Variants in FNDC3A observed in about 807,000 individuals in gnomAD.
The protein encoded by FNDC3A is fibronectin type-III domain-containing protein 3A.
Under a neutral mutation model 148.9 loss-of-function variants are expected in FNDC3A, and 32 were observed. That is an observed-to-expected ratio of 0.21 (90% confidence interval 0.16 to 0.29). The LOEUF (loss-of-function observed/expected upper bound fraction) is 0.29. Among genes scored for constraint, FNDC3A ranks in the 10% least tolerant of loss-of-function variants. FNDC3A has a pLI of 1.00. For missense variants in FNDC3A, 1,191 were observed against 1,452.8 expected, an observed-to-expected ratio of 0.82 and a Z score of 2.93; for synonymous variants, 472 against 473.6, an observed-to-expected ratio of 1.00 and a Z score of 0.04.
In FNDC3A at chr13:49,072,382, T is replaced by TA. The variant is rs142261810; in HGVS notation, c.100-2898dup. ...TAGAAAAAAGTGAGAGTTAAAAAGTTAAAAAAAAAGAAAATGAGTTGGCTC... is the reference window on the plus strand; with the variant it reads ...TAGAAAAAAGTGAGAGTTAAAAAGTTAAAAAAAAAAGAAAATGAGTTGGCTC... On this transcript the variant is annotated intron_variant, in intron 2 of 25. Coordinates refer to ENST00000492622, the MANE Select transcript of FNDC3A (RefSeq NM_001079673.2). Among the ~76,000 whole-genome samples the TA allele has an allele frequency of 1.2e-3, 180 of 151,218 alleles. No homozygotes were observed. The South Asian group carries it at 0.013, about 11-fold the overall frequency.
At chr13:49,031,112 T>C (rs957729346) in intron 2 of FNDC3A, among the ~76,000 whole-genome samples, 1 of 152,108 alleles carries the variant, frequency 6.6e-6, no homozygotes, top group Non-Finnish European at 1.5e-5. Flanking sequence ...GCAGACTGGG[T>C]GCAATGGCTC....
intron 5 of FNDC3A, among the ~76,000 whole-genome samples, chr13:49,133,475 C>T (rs1882154431): frequency 6.6e-6 from 1 of 152,038 alleles, no homozygotes; most frequent in African/African-American, 2.4e-5. Context: ...AATTAGCTAC[C>T]CAGTGGTAAA....
intron 5 of FNDC3A, among the ~76,000 whole-genome samples, chr13:49,135,304 G>A (rs753943882): frequency 1.3e-5 from 2 of 152,070 alleles, no homozygotes; most frequent in Non-Finnish European, 2.9e-5. Context: ...TTCCTCCCTT[G>A]TTGTTTTTTC....
chr13:49,091,135 AC>A (rs1193362858), intron 3 of FNDC3A, among the ~76,000 whole-genome samples: 2 of 152,136 alleles, frequency 1.3e-5, no homozygotes, highest in African/African-American at 4.8e-5. Context: ...CAGAACAATA[AC>A]AAAAAACAGC....
chr13:49,192,857 C>A (rs1012801001), intron 19 of FNDC3A, among the ~76,000 whole-genome samples: 1 of 152,150 alleles, frequency 6.6e-6, no homozygotes, highest in African/African-American at 2.4e-5. Flanking sequence ...AAAATTTATG[C>A]CTACCAGAGA....
chr13:49,161,181 C>T (rs1207591409), intron 8 of FNDC3A, among the ~76,000 whole-genome samples: 1 of 152,082 alleles, frequency 6.6e-6, no homozygotes, highest in East Asian at 1.9e-4. Context: ...TCCTTGTTAA[C>T]TTTCTGTCTT....
intron 2 of FNDC3A, among the ~76,000 whole-genome samples, chr13:49,043,045 T>C (rs1383593854): frequency 6.6e-6 from 1 of 152,016 alleles, no homozygotes; most frequent in Non-Finnish European, 1.5e-5. Context: ...AGCCTTGACC[T>C]CCTGGGCTCA....
intron 3 of FNDC3A, among the ~76,000 whole-genome samples, chr13:49,091,757 G>A (rs1414077981): frequency 9.9e-5 from 15 of 152,182 alleles, no homozygotes; most frequent in Admixed American, 6.5e-4. Context: ...AGGGTGGCAG[G>A]AGTGGAGACT....
rs760474446 is a variant in FNDC3A at position 49,191,258 on chromosome 13, A to C, written c.2100A>C (p.Glu700Asp). 1.9e-6 allele frequency: 3 copies of C among 1,612,906 alleles called. No individual in the cohort carries two copies. In the East Asian group the frequency reaches 6.7e-5, roughly 36 times the overall value. ...CACCCATTTCCTGTTACAGTGTGGAAATGTCTCCTATAGAAAAAGATGAAC... is the reference window on the plus strand; with the variant it reads ...CACCCATTTCCTGTTACAGTGTGGACATGTCTCCTATAGAAAAAGATGAAC... Reference protein sequence around the residue: ...GGSPISCYSVEMSPIEKDEPR... With the variant: ...GGSPISCYSVDMSPIEKDEPR... Residue 700 changes from glutamate to aspartate, a missense_variant, in exon 19 of 26, where the codon GAA becomes GAC. Transcript: ENST00000492622.
At chr13:48,986,765 A>T (rs1951813848) in intron 1 of FNDC3A, among the ~76,000 whole-genome samples, 1 of 152,156 alleles carries the variant, frequency 6.6e-6, no homozygotes, top group African/African-American at 2.4e-5. Flanking sequence ...ACCAAGGCAT[A>T]GTTGTAGATT....
chr13:49,020,034 A>G (rs1873201726), intron 2 of FNDC3A, among the ~76,000 whole-genome samples: 1 of 152,354 alleles, frequency 6.6e-6, no homozygotes. Flanking sequence ...GTACATTTTT[A>G]TAATACTGAG....
At chr13:49,166,623 T>A (rs1417684761) in intron 8 of FNDC3A, among the ~76,000 whole-genome samples, 2 of 152,172 alleles carry the variant, frequency 1.3e-5, no homozygotes, top group African/African-American at 4.8e-5. Context: ...ATGACTAGAA[T>A]ACAGGAGTCC....
At chr13:48,985,790 TAGG>T (rs1951779681) in intron 1 of FNDC3A, among the ~76,000 whole-genome samples, 1 of 152,086 alleles carries the variant, frequency 6.6e-6, no homozygotes, top group African/African-American at 2.4e-5. Flanking sequence ...GCTATAGAAA[TAGG>T]AGTTGGATTA....
At chr13:49,100,460 C>A (rs1381223858) in intron 3 of FNDC3A, among the ~76,000 whole-genome samples, 1 of 152,006 alleles carries the variant, frequency 6.6e-6, no homozygotes, top group Non-Finnish European at 1.5e-5. Context: ...ATTCCCAAAC[C>A]CTTTTCCATA....
At chr13:49,003,807 T>A (rs1489406890) in intron 1 of FNDC3A, among the ~76,000 whole-genome samples, 2 of 152,194 alleles carry the variant, frequency 1.3e-5, no homozygotes, top group African/African-American at 4.8e-5. Context: ...CAGGTTTTTT[T>A]CACCCAGAGT....
intron 8 of FNDC3A, among the ~76,000 whole-genome samples, chr13:49,149,264 T>A (rs192495620): frequency 6.6e-6 from 1 of 152,120 alleles, no homozygotes; most frequent in Admixed American, 6.5e-5. Flanking sequence ...AGAGTAGGCA[T>A]CCTTGTCTTG....
chr13:49,011,548 T>C (rs113041659), intron 2 of FNDC3A, among the ~76,000 whole-genome samples: 3 of 152,304 alleles, frequency 2.0e-5, no homozygotes, highest in African/African-American at 7.2e-5. Context: ...TTGGTATCTT[T>C]TGATGGACAG....
intron 8 of FNDC3A, among the ~76,000 whole-genome samples, chr13:49,152,435 T>C (rs945036550): frequency 2.2e-4 from 33 of 152,338 alleles, no homozygotes; most frequent in Non-Finnish European, 4.7e-4. Flanking sequence ...TTTTTTCTTA[T>C]AAATTTGTTT....
chr13:49,109,632 C>G (rs1477701975), intron 3 of FNDC3A, among the ~76,000 whole-genome samples: 1 of 152,142 alleles, frequency 6.6e-6, no homozygotes, highest in Non-Finnish European at 1.5e-5. Context: ...ATAGAGAACT[C>G]TGAACCTGCA....
Sources: allele counts gnomAD v4.1 joint callset (sites outside exome capture counted in the v4.1 genomes callset), GRCh38; gene constraint gnomAD v4.1.1; transcripts MANE v1.5; gene names NCBI Gene and HGNC (gene_info 2026-07-23, HGNC 2026-07-21).